PCLO: variants seen among roughly 807,000 people sequenced by gnomAD.
PCLO encodes the protein protein piccolo.
Under a neutral mutation model 427.5 loss-of-function variants are expected in PCLO, and 82 were observed. The observed-to-expected ratio is 0.19, with a 90% confidence interval of 0.16 to 0.23. The LOEUF (loss-of-function observed/expected upper bound fraction) is 0.23. Ranked by LOEUF, PCLO falls within the 10% of genes least tolerant of loss-of-function variation. The pLI is 1.00. For missense variants in PCLO, 6,239 were observed against 6,115.9 expected (o/e 1.02, Z -0.67); for synonymous variants, 2,357 against 2,155.4 (o/e 1.09, Z -2.59).
chr7:83,117,167 T>G (rs1205428961), intron 3 of PCLO, among the ~76,000 whole-genome samples: 1 of 152,158 alleles, frequency 6.6e-6, no homozygotes, highest in African/African-American at 2.4e-5. Flanking sequence ...AGCCCAAACC[T>G]TAGGCATATC....
chr7:82,952,521 T>C lies in PCLO; in HGVS notation c.8432A>G (p.Glu2811Gly), dbSNP rs1795381717. 1 of 1,613,954 alleles carries C rather than the reference T, an allele frequency of 6.2e-7. No individual in the cohort carries two copies. The highest frequency in any genetic ancestry group is 8.5e-7 in the Non-Finnish European group (1 of 1,179,854). ...TASASYTTGT[E>G]SLVGAEHAMT... Reference sequence around the variant, plus strand: ...TGCATGTTCTGCACCCACTAGGCTTTCTGTGCCTGTAGTGTAACTTGCACT... The same window carrying C: ...TGCATGTTCTGCACCCACTAGGCTTCCTGTGCCTGTAGTGTAACTTGCACT... Residue 2811 changes from glutamate to glycine, a missense_variant, in exon 5 of 25, where the codon GAA becomes GGA. Around this residue, in one of 5 missense-constraint regions of PCLO, gnomAD observed 4,677 missense variants for 4,468.4 expected, o/e 1.05. Transcript: ENST00000333891.
In PCLO at chr7:83,003,256, T is replaced by C. The variant is rs543110894; in HGVS notation, c.3301-36769A>G. ...ATGCATACGTTTATATGTAATATTA[T>C]ATACTAATATTTTAACAAATAAAGT... On this transcript the variant is annotated intron_variant, in intron 3 of 24. Coordinates refer to ENST00000333891, the MANE Select transcript of PCLO (RefSeq NM_033026.6). Among the ~76,000 whole-genome samples the C allele has an allele frequency of 3.3e-5, 5 of 151,638 alleles. No homozygotes were observed. In the South Asian group the frequency reaches 1.0e-3, roughly 31 times the overall value.
intron 3 of PCLO, among the ~76,000 whole-genome samples, chr7:83,094,213 T>TC (rs1554395830): frequency 2.0e-5 from 3 of 146,528 alleles, no homozygotes; most frequent in Non-Finnish European, 4.5e-5. Context: ...TTTTTTTCTT[T>TC]TTTTTTTTTT....
intron 3 of PCLO, among the ~76,000 whole-genome samples, chr7:83,075,124 A>G (rs1789917534): frequency 6.6e-6 from 1 of 152,174 alleles, no homozygotes; most frequent in East Asian, 1.9e-4. Context: ...ACTTAACAAA[A>G]TGTACCGGTT....
intron 3 of PCLO, among the ~76,000 whole-genome samples, chr7:83,040,000 T>C (rs1001857789): frequency 6.6e-6 from 1 of 152,164 alleles, no homozygotes; most frequent in African/African-American, 2.4e-5. Flanking sequence ...TAAACAGATT[T>C]CAAAAATATT....
intron 20 of PCLO, chr7:82,820,550 C>T (rs1791767170): frequency 8.2e-7 from 1 of 1,225,434 alleles, no homozygotes; most frequent in Admixed American, 4.2e-5. Flanking sequence ...ACATCTGATA[C>T]ACTTAACAAC....
Position 82,801,557 on chromosome 7 carries a change from T to G in PCLO, c.14968A>C (p.Lys4990Gln), listed in dbSNP as rs1179635833. ...AGTCCTACTCCTACCCCTGGCTGTT[T>G]TACAGGCTCTTGTCCATTCTGTCCC... ...KMGQNGQEPV[K>Q]QPGVGVGLAD... Residue 4990 changes from lysine to glutamine, a missense_variant, in exon 22 of 25, where the codon AAA (lysine) becomes CAA (glutamine). Lys to Gln is a moderately conservative substitution (Grantham distance 53). This residue lies in a region of PCLO where 877 missense variants were observed against 925.5 expected (regional missense o/e 0.95). Coordinates refer to ENST00000333891, the MANE Select transcript of PCLO (RefSeq NM_033026.6). The G allele has an allele frequency of 6.3e-7, 1 of 1,598,410 alleles. No individual in the cohort carries two copies. The highest frequency in any genetic ancestry group is 1.3e-5 in the African/African-American group (1 of 74,758).
intron 22 of PCLO, among the ~76,000 whole-genome samples, chr7:82,793,548 C>T (rs1225312803): frequency 2.0e-5 from 3 of 152,122 alleles, no homozygotes; most frequent in Non-Finnish European, 2.9e-5. Flanking sequence ...AATCTCTAAA[C>T]TTCTCTAGTT....
At chr7:82,904,347 A>C (rs11765159) in intron 8 of PCLO, among the ~76,000 whole-genome samples, 1 of 151,272 alleles carries the variant, frequency 6.6e-6, no homozygotes, top group African/African-American at 2.4e-5. Context: ...TGCCCTCCCC[A>C]CATCTTTTTC....
intron 3 of PCLO, among the ~76,000 whole-genome samples, chr7:83,013,156 T>C (rs1583906798): frequency 1.3e-5 from 2 of 151,994 alleles, no homozygotes; most frequent in East Asian, 1.9e-4. Flanking sequence ...ATAATAAAAA[T>C]AAAAATCACA....
At chr7:82,879,294 G>A in intron 10 of PCLO, 43 bp downstream of exon 10, 2 of 1,503,492 alleles carry the variant, frequency 1.3e-6, no homozygotes, top group Non-Finnish European at 1.8e-6. Flanking sequence ...TATTTAATAT[G>A]AGTGCATTCA....
rs757350399 is a variant in PCLO at position 83,059,381 on chromosome 7, A to ATATATATATATAT, written c.3300+74868_3300+74869insATATATATATATA. 5.0e-3 allele frequency among the ~76,000 whole-genome samples: 477 copies of ATATATATATATAT among 95,792 alleles called. 3 individuals carry two copies. Among genetic ancestry groups the ATATATATATATAT allele is most frequent in the South Asian group, 0.018 (50 of 2,836 alleles). The allele number at this position is 95,792 out of a possible 152,430, so 62.8% of individuals were successfully genotyped here. A position where few individuals can be genotyped will look rare whatever the true frequency, so the allele number is the denominator to read the frequency against. On this transcript the variant is annotated intron_variant, in intron 3 of 24. Transcript: ENST00000333891. ...AAATATATATATATATATATATATA[A>ATATATATATATAT]AAATGAAAAATAAGGTGAGATCAAC... is the stretch of plus-strand genomic sequence containing the variant.
chr7:82,846,126 T>C (rs1329711270), intron 12 of PCLO, among the ~76,000 whole-genome samples: 1 of 152,158 alleles, frequency 6.6e-6, no homozygotes, highest in African/African-American at 2.4e-5. Context: ...TGAAATTACA[T>C]GTTGATTTTT....
At chr7:82,800,141 G>A (rs1182816328) in intron 22 of PCLO, among the ~76,000 whole-genome samples, 2 of 152,156 alleles carry the variant, frequency 1.3e-5, no homozygotes, top group African/African-American at 2.4e-5. Context: ...AGGAAACATA[G>A]CTTTTGAAGG....
intron 8 of PCLO, 109 bp from the exon 9 acceptor site, chr7:82,902,850 C>G (rs546964177): frequency 1.6e-6 from 1 of 622,018 alleles, no homozygotes; most frequent in Non-Finnish European, 2.9e-6. Context: ...ATCAATGGAA[C>G]GTAGTAGGAG....
chr7:83,105,388 T>C (rs1336190363), intron 3 of PCLO, among the ~76,000 whole-genome samples: 1 of 152,210 alleles, frequency 6.6e-6, no homozygotes, highest in African/African-American at 2.4e-5. Flanking sequence ...TGGGATCATA[T>C]CCCTGCGTAT....
rs372903743 is a variant in PCLO, at chr7:82,954,379, A to C, written c.6574T>G (p.Cys2192Gly). The C allele has an allele frequency of 1.2e-6, 2 of 1,613,916 alleles. No individual in the cohort carries two copies. Among genetic ancestry groups the C allele is most frequent in the Non-Finnish European group, 8.5e-7 (1 of 1,179,842 alleles). ...ATGGGTGAAGAGCTATCTGTGGTAC[A>C]GACCGAAGAAACAGATGATGTGAGA... ...PSLTSSVSSV[C>G]TTDSSSPITT... is the part of the protein sequence containing the mutation. Residue 2192 changes from cysteine (C) to glycine (G), a missense_variant, in exon 5 of 25, where the codon TGT becomes GGT. Transcript: ENST00000333891.
At chr7:82,965,412 T>C (rs537804427) in intron 4 of PCLO, among the ~76,000 whole-genome samples, 2 of 151,670 alleles carry the variant, frequency 1.3e-5, no homozygotes, top group African/African-American at 4.8e-5. Context: ...AAACAGAAAC[T>C]TACATAAAGA....
chr7:82,799,255 T>C (rs1649944701), intron 22 of PCLO, among the ~76,000 whole-genome samples: 2 of 152,222 alleles, frequency 1.3e-5, no homozygotes, highest in South Asian at 4.1e-4. Context: ...TATTTGTTAT[T>C]CATTTGCTCA....
Sources: gnomAD v4.1 joint callset for allele counts (sites outside exome capture counted in the v4.1 genomes callset) on GRCh38, gnomAD v4.1.1 for gene constraint, gnomAD v4.1.1 regional missense constraint, MANE v1.5 for transcripts, NCBI Gene and HGNC (gene_info 2026-07-23, HGNC 2026-07-21) for gene names.